The following KIF16B variants were observed in gnomAD, a reference collection of about 807,000 sequenced individuals.
KIF16B encodes the protein kinesin family member 16B, also known as kinesin-like protein KIF16B.
Under a neutral mutation model 156.3 loss-of-function variants are expected in KIF16B, and 98 were observed. That is an observed-to-expected ratio of 0.63 (90% CI 0.53 to 0.74). The LOEUF is 0.74. Ranked by LOEUF, KIF16B falls within the 30% of genes least tolerant of loss-of-function variation. The probability of loss-of-function intolerance (pLI) is 0.00; values close to 1 mark genes in which losing one functional copy is unlikely to be tolerated. For synonymous variants in KIF16B, 564 were observed against 583.7 expected (o/e 0.97, Z 0.49); for missense variants, 1,421 against 1,606.5 (o/e 0.88, Z 1.97).
chr20:16,274,217 G>T (rs2063027630), intron 25 of KIF16B, among the ~76,000 whole-genome samples: 3 of 152,080 alleles, frequency 2.0e-5, no homozygotes, highest in African/African-American at 7.2e-5. Context: ...AGGACAAGAG[G>T]GTCAGTTCCA....
chr20:16,442,662 A>G (rs574322797), intron 12 of KIF16B, among the ~76,000 whole-genome samples: 1 of 152,196 alleles, frequency 6.6e-6, no homozygotes, highest in Non-Finnish European at 1.5e-5. Flanking sequence ...ATTCTTTCAC[A>G]TAAAATTGGA....
At chr20:16,497,828 A>G (rs562764164) in intron 10 of KIF16B, 150 bp from the exon 11 acceptor site, 1 of 601,850 alleles carries the variant, frequency 1.7e-6, no homozygotes, top group Admixed American at 3.2e-5. Flanking sequence ...GTTGAATATC[A>G]CCAAGTCTTT....
chr20:16,272,217 C>G lies in KIF16B; in HGVS notation c.*1036G>C, dbSNP rs1360178661. On this transcript the variant is annotated 3_prime_UTR_variant, in exon 26 of 26. Coordinates refer to ENST00000354981, the MANE Select transcript of KIF16B (RefSeq NM_024704.5). ...TACATATTTTGATGGAACTACTGTA[C>G]AGAATGTATACATATATAAATCTAT... 1.3e-5 allele frequency: 2 copies of G among 152,548 alleles called. No individual in the cohort carries two copies. The highest frequency in any genetic ancestry group is 2.9e-5 in the Non-Finnish European group (2 of 68,016). 9.4% of individuals were successfully genotyped at this position (152,548 alleles called of 1,614,324 possible). A position where few individuals can be genotyped will look rare whatever the true frequency, so the allele number is the denominator to read the frequency against.
At chr20:16,562,873 A>C (rs1199272782) in intron 1 of KIF16B, among the ~76,000 whole-genome samples, 1 of 152,196 alleles carries the variant, frequency 6.6e-6, no homozygotes, top group East Asian at 1.9e-4. Flanking sequence ...TATAAGACGG[A>C]TCTAATGATG....
chr20:16,328,974 T>C (rs1366438017), intron 24 of KIF16B, among the ~76,000 whole-genome samples: 2 of 152,132 alleles, frequency 1.3e-5, no homozygotes, highest in Non-Finnish European at 2.9e-5. Context: ...GCAGTGCTCA[T>C]TAGGCTCTAG....
chr20:16,533,144 C>T (rs1272962459), intron 1 of KIF16B, among the ~76,000 whole-genome samples: 1 of 152,138 alleles, frequency 6.6e-6, no homozygotes, highest in African/African-American at 2.4e-5. Context: ...CCCTGAAATC[C>T]TATGTACTGG....
chr20:16,296,269 C>T (rs941684778), intron 25 of KIF16B, among the ~76,000 whole-genome samples: 1 of 152,154 alleles, frequency 6.6e-6, no homozygotes. Context: ...TTTGTCTACG[C>T]CACTTGTGAT....
chr20:16,409,979 A>ACC (rs1246903252), intron 15 of KIF16B, among the ~76,000 whole-genome samples: 1 of 71,120 alleles, frequency 1.4e-5, no homozygotes, highest in African/African-American at 5.8e-5. Context: ...ACATATATAT[A>ACC]TATATATATA....
Position 16,370,632 on chromosome 20 carries a change from T to A in KIF16B, c.3452A>T (p.Asn1151Ile). 6.3e-7 allele frequency: 1 copy of A among 1,585,034 alleles called. No homozygotes were observed. Among genetic ancestry groups the A allele is most frequent in the Non-Finnish European group, 8.5e-7 (1 of 1,171,676 alleles). ...AATGGTGCCATTGTGAAGTTTCTCA[T>A]TATCCTGAAAAGAAAAGAAAAAGCC... ...CSTSADTMKDNEKLHNGTIQR... is the reference protein window; with the variant it reads ...CSTSADTMKDIEKLHNGTIQR... The change falls in exon 22 of 26, where the codon AAT becomes ATT. Residue 1151 changes from asparagine (N) to isoleucine (I), a missense_variant. Transcript: ENST00000354981.
At chr20:16,333,415 TTC>T (rs749426431) in intron 24 of KIF16B, among the ~76,000 whole-genome samples, 61 of 152,366 alleles carry the variant, frequency 4.0e-4, no homozygotes, top group Non-Finnish European at 7.9e-4. Flanking sequence ...TCACTGTTTA[TTC>T]TCTCTACTTC....
chr20:16,371,063 T>C (rs2064806109), intron 21 of KIF16B, among the ~76,000 whole-genome samples: 1 of 152,222 alleles, frequency 6.6e-6, no homozygotes, highest in South Asian at 2.1e-4. Context: ...ATGTTGCATG[T>C]AGAATTAAAA....
intron 1 of KIF16B, among the ~76,000 whole-genome samples, chr20:16,544,438 C>T (rs1039187491): frequency 1.1e-4 from 16 of 151,846 alleles, no homozygotes; most frequent in Admixed American, 7.2e-4. Flanking sequence ...GGTGAAACCC[C>T]GTCTCTACTA....
intron 12 of KIF16B, among the ~76,000 whole-genome samples, chr20:16,471,075 C>T (rs2067649587): frequency 6.6e-6 from 1 of 152,094 alleles, no homozygotes; most frequent in Non-Finnish European, 1.5e-5. Flanking sequence ...CAAGTTATCT[C>T]TACTGAACGA....
chr20:16,414,441 T>C (rs908976729), intron 15 of KIF16B, among the ~76,000 whole-genome samples: 3 of 152,146 alleles, frequency 2.0e-5, no homozygotes, highest in Non-Finnish European at 4.4e-5. Flanking sequence ...ACGTTGACCT[T>C]GTCCCTTCTT....
intron 1 of KIF16B, among the ~76,000 whole-genome samples, chr20:16,565,306 T>A (rs6044120): frequency 6.6e-6 from 1 of 152,024 alleles, no homozygotes; most frequent in Non-Finnish European, 1.5e-5. Context: ...GCACAGCCCA[T>A]AGAGCCGTGA....
intron 24 of KIF16B, among the ~76,000 whole-genome samples, chr20:16,329,065 A>AAC (rs1264508198): frequency 6.6e-6 from 1 of 152,170 alleles, no homozygotes; most frequent in Non-Finnish European, 1.5e-5. Flanking sequence ...GGCATCTGTG[A>AAC]ATCTCTTGGA....
In KIF16B at chr20:16,379,439, G is replaced by T. The variant is rs2065034387; in HGVS notation, c.2563C>A (p.Gln855Lys). Reference protein sequence around the residue: ...QQKDILKKEVQEEQEILECLK... With the variant: ...QQKDILKKEVKEEQEILECLK... ...CACTCTAGGATCTCCTGTTCTTCTT[G>T]GACTTCTTTTTTCAGGATGTCTTTC... The change falls in exon 19 of 26, where the codon CAA becomes AAA. Residue 855 changes from glutamine (Q) to lysine (K), a missense_variant. Physicochemically the swap from Gln to Lys is moderately conservative, Grantham distance 53. Coordinates refer to ENST00000354981, the MANE Select transcript of KIF16B (RefSeq NM_024704.5). 1 of 1,613,288 alleles carries T rather than the reference G, an allele frequency of 6.2e-7. No individual in the cohort carries two copies. The highest frequency in any genetic ancestry group is 1.7e-5 in the Admixed American group (1 of 59,920).
At chr20:16,551,281 C>T (rs1489685490) in intron 1 of KIF16B, among the ~76,000 whole-genome samples, 2 of 152,164 alleles carry the variant, frequency 1.3e-5, no homozygotes, top group African/African-American at 4.8e-5. Flanking sequence ...CAGGCACTCG[C>T]CACCATGCCC....
intron 17 of KIF16B, among the ~76,000 whole-genome samples, chr20:16,388,019 A>G (rs2065268881): frequency 6.6e-6 from 1 of 152,142 alleles, no homozygotes; most frequent in Non-Finnish European, 1.5e-5. Context: ...AAGACTTGTG[A>G]TTTTCTTTCT....
Sources: allele counts gnomAD v4.1 joint callset (sites outside exome capture counted in the v4.1 genomes callset), GRCh38; gene constraint gnomAD v4.1.1; transcripts MANE v1.5; gene names NCBI Gene and HGNC (gene_info 2026-07-23, HGNC 2026-07-21).